Variants in EPC2 observed in about 807,000 individuals in gnomAD.
The protein encoded by EPC2 is enhancer of polycomb 2, also known as enhancer of polycomb homolog 2.
Under a neutral mutation model 92.1 loss-of-function variants are expected in EPC2, and 14 were observed. The ratio of observed to expected loss-of-function variants is 0.15; its 90% CI spans 0.10 to 0.24. The LOEUF (loss-of-function observed/expected upper bound fraction) is 0.24. Among genes scored for constraint, EPC2 ranks in the 10% least tolerant of loss-of-function variants. The probability of loss-of-function intolerance (pLI) is 1.00; values close to 1 mark genes in which losing one functional copy is unlikely to be tolerated. For synonymous variants in EPC2, 340 were observed against 334.7 expected (o/e 1.02, Z -0.17); for missense variants, 755 against 971.5 (o/e 0.78, Z 2.96).
In EPC2 at chr2:148,744,993, C is replaced by A. The variant is rs1346007480; in HGVS notation, c.459+1226C>A. On this transcript the variant is annotated intron_variant, in intron 3 of 13. Transcript: ENST00000258484. Reference sequence around the variant, plus strand: ...GCATATTTAGCCTATCAGTTTGCCCCCCCCCCCCGCACCATTTTGATGAAA... The same window carrying A: ...GCATATTTAGCCTATCAGTTTGCCCACCCCCCCCGCACCATTTTGATGAAA... 2.7e-5 allele frequency among the ~76,000 whole-genome samples: 3 copies of A among 110,328 alleles called. 1 individual carries two copies. Among genetic ancestry groups the A allele is most frequent in the Non-Finnish European group, 4.2e-5 (2 of 47,286 alleles). The allele number at this position is 110,328 out of a possible 152,430, so 72.4% of individuals were successfully genotyped here.
At chr2:148,649,633 G>A (rs1680624315) in intron 1 of EPC2, among the ~76,000 whole-genome samples, 1 of 152,086 alleles carries the variant, frequency 6.6e-6, no homozygotes, top group Admixed American at 6.5e-5. Flanking sequence ...GCCCTGTGAG[G>A]TATTACCATT....
chr2:148,720,806 G>C (rs190216203), intron 2 of EPC2, among the ~76,000 whole-genome samples: 8 of 152,146 alleles, frequency 5.3e-5, no homozygotes, highest in Admixed American at 2.0e-4. Flanking sequence ...CCCGTGGGTC[G>C]AGCTGTTTCC....
At chr2:148,664,489 C>G (rs1471349455) in intron 1 of EPC2, among the ~76,000 whole-genome samples, 1 of 152,170 alleles carries the variant, frequency 6.6e-6, no homozygotes, top group African/African-American at 2.4e-5. Flanking sequence ...CAGAGTGAGT[C>G]AATGTCTCAA....
At chr2:148,769,930 T>C (rs1683483716) in intron 8 of EPC2, among the ~76,000 whole-genome samples, 1 of 152,116 alleles carries the variant, frequency 6.6e-6, no homozygotes, top group African/African-American at 2.4e-5. Flanking sequence ...GTTTACTAGT[T>C]ATGTTGATGA....
chr2:148,715,884 C>T (rs1682251925), intron 2 of EPC2, among the ~76,000 whole-genome samples: 1 of 152,102 alleles, frequency 6.6e-6, no homozygotes, highest in African/African-American at 2.4e-5. Context: ...TTATTTGTGT[C>T]CTCTCTGATT....
intron 12 of EPC2, among the ~76,000 whole-genome samples, chr2:148,784,203 G>A (rs907254042): frequency 2.6e-5 from 4 of 152,166 alleles, no homozygotes; most frequent in African/African-American, 9.7e-5. Flanking sequence ...GTATTGCTGT[G>A]AAACCCTGTG....
intron 1 of EPC2, among the ~76,000 whole-genome samples, chr2:148,656,328 T>C (rs1680798148): frequency 6.6e-6 from 1 of 152,202 alleles, no homozygotes; most frequent in Admixed American, 6.5e-5. Flanking sequence ...GCATTGTGCA[T>C]AGGACTTTAT....
At chr2:148,717,433 A>T (rs1042700019) in intron 2 of EPC2, among the ~76,000 whole-genome samples, 1 of 152,180 alleles carries the variant, frequency 6.6e-6, no homozygotes, top group Non-Finnish European at 1.5e-5. Flanking sequence ...AGATTCTGGT[A>T]CATTGTATCT....
intron 2 of EPC2, among the ~76,000 whole-genome samples, chr2:148,709,598 C>T (rs1216921704): frequency 6.6e-6 from 1 of 152,178 alleles, no homozygotes; most frequent in African/African-American, 2.4e-5. Context: ...TCAAACTATA[C>T]TACAAGTCTA....
intron 2 of EPC2, among the ~76,000 whole-genome samples, chr2:148,717,618 T>C (rs1241894972): frequency 6.6e-6 from 1 of 152,214 alleles, no homozygotes; most frequent in African/African-American, 2.4e-5. Flanking sequence ...GACTTTGTTA[T>C]TATTTCAGTT....
chr2:148,703,504 C>A (rs867093439), intron 2 of EPC2, among the ~76,000 whole-genome samples: 1 of 151,826 alleles, frequency 6.6e-6, no homozygotes, highest in African/African-American at 2.4e-5. Context: ...GGAGTGAGGC[C>A]TGAAAAATGA....
In EPC2 at chr2:148,787,071, A is replaced by G. The variant is rs1056512186; in HGVS notation, c.*694A>G. The stretch of plus-strand genomic sequence containing the variant: ...TTATGATACCAATTTATAAAAAATA[A>G]TTACACAGAAAAAATGGAATAGGAA... On this transcript the variant is annotated 3_prime_UTR_variant, in exon 14 of 14. Transcript: ENST00000258484. 6.7e-6 allele frequency: 1 copy of G among 148,308 alleles called. No homozygotes were observed. Among genetic ancestry groups the G allele is most frequent in the Non-Finnish European group, 1.5e-5 (1 of 67,136 alleles). The allele number at this position is 148,308 out of a possible 1,614,324, so 9.2% of individuals were successfully genotyped here. A position where few individuals can be genotyped will look rare whatever the true frequency, so the allele number is the denominator to read the frequency against.
Position 148,675,179 on chromosome 2 carries a change from A to G in EPC2, c.154-15035A>G, listed in dbSNP as rs73018672. Among the ~76,000 whole-genome samples the G allele has an allele frequency of 1.0e-2, 1,521 of 152,230 alleles. 25 individuals are homozygous for G. Among genetic ancestry groups the G allele is most frequent in the African/African-American group, 0.034 (1,426 of 41,538 alleles). On this transcript the variant is annotated intron_variant, in intron 1 of 13. Coordinates refer to ENST00000258484, the MANE Select transcript of EPC2 (RefSeq NM_015630.4). ...GGACATAATTTTCATTGGGCTTCTA[A>G]TAATTGTAGTCTTTATTTCTGAGAT...
chr2:148,646,320 T>C (rs1488840910), intron 1 of EPC2, among the ~76,000 whole-genome samples: 1 of 152,232 alleles, frequency 6.6e-6, no homozygotes, highest in African/African-American at 2.4e-5. Context: ...CTGACCTCAT[T>C]ATGTTACCCT....
At position 148,749,525 on chromosome 2, in the gene EPC2, C is replaced by G. The variant is rs963342887; in HGVS notation, c.460-4402C>G. ...CAGCATTTTAATTGTTTACTTGATACTGCATTATTGATTATGCTTTGGATG... is the reference window on the plus strand; with the variant it reads ...CAGCATTTTAATTGTTTACTTGATAGTGCATTATTGATTATGCTTTGGATG... On this transcript the variant is annotated intron_variant, in intron 3 of 13. Coordinates refer to ENST00000258484, the MANE Select transcript of EPC2 (RefSeq NM_015630.4). Among the ~76,000 whole-genome samples the G allele has an allele frequency of 7.3e-5, 11 of 150,966 alleles. No individual in the cohort carries two copies. In the East Asian group the frequency reaches 1.9e-3, roughly 27 times the overall value.
At chr2:148,757,956 A>G (rs1683223342) in intron 4 of EPC2, among the ~76,000 whole-genome samples, 1 of 152,232 alleles carries the variant, frequency 6.6e-6, no homozygotes, top group Non-Finnish European at 1.5e-5. Flanking sequence ...TAGGGCTGGA[A>G]TACAAAGATA....
At chr2:148,693,620 TG>T (rs1309083763) in intron 2 of EPC2, among the ~76,000 whole-genome samples, 2 of 152,196 alleles carry the variant, frequency 1.3e-5, no homozygotes, top group Non-Finnish European at 2.9e-5. Flanking sequence ...CTCCATCTTA[TG>T]GTACTTTAGA....
chr2:148,654,073 A>T (rs1680740395), intron 1 of EPC2, among the ~76,000 whole-genome samples: 1 of 149,944 alleles, frequency 6.7e-6, no homozygotes, highest in African/African-American at 2.5e-5. Flanking sequence ...TCAGCTTCCC[A>T]AGTAGCTTGG....
chr2:148,691,563 T>C (rs1681644350), intron 2 of EPC2: 1 of 1,550,490 alleles, frequency 6.4e-7, no homozygotes, highest in Non-Finnish European at 8.7e-7. Context: ...CTTAAATTGC[T>C]GTTGTTCAGG....
Sources: gnomAD v4.1 joint callset for allele counts (sites outside exome capture counted in the v4.1 genomes callset) on GRCh38, gnomAD v4.1.1 for gene constraint, MANE v1.5 for transcripts, NCBI Gene and HGNC (gene_info 2026-07-23, HGNC 2026-07-21) for gene names.